The following WDR82 variants were observed in gnomAD, a reference collection of about 807,000 sequenced individuals.
WDR82 encodes WD repeat domain 82.
Under a neutral mutation model 36.1 loss-of-function variants are expected in WDR82, and 8 were observed. The observed-to-expected ratio is 0.22, with a 90% CI of 0.13 to 0.40. The LOEUF is 0.40. Ranked by LOEUF, WDR82 falls within the 10% of genes least tolerant of loss-of-function variation. The pLI is 1.00. For synonymous variants in WDR82, 129 were observed against 137.8 expected, an observed-to-expected ratio of 0.94 and a Z score of 0.45; for missense variants, 185 against 400.5, an observed-to-expected ratio of 0.46 and a Z score of 4.59.
chr3:52,257,322 G>A lies in WDR82; in HGVS notation c.*168C>T. The A allele has an allele frequency of 2.3e-6, 2 of 870,538 alleles. No individual in the cohort carries two copies. Among genetic ancestry groups the A allele is most frequent in the Non-Finnish European group, 3.5e-6 (2 of 566,092 alleles). 53.9% of individuals were successfully genotyped at this position (870,538 alleles called of 1,614,324 possible). ...AGTCCTTTTGAAGACGCTCATCAAA[G>A]TAATTATTTTCTTTTGAGCAGATGT... On this transcript the variant is annotated 3_prime_UTR_variant, in exon 9 of 9. Transcript: ENST00000296490.
At chr3:52,271,009 G>C (rs559348187) in intron 1 of WDR82, among the ~76,000 whole-genome samples, 200 bp from the exon 2 acceptor site, 1 of 152,214 alleles carries the variant, frequency 6.6e-6, no homozygotes, top group East Asian at 1.9e-4. Context: ...TTCCACCTTA[G>C]AACACCTAGT....
chr3:52,264,159 T>C (rs940267943), intron 3 of WDR82, among the ~76,000 whole-genome samples: 1 of 151,892 alleles, frequency 6.6e-6, no homozygotes, highest in Non-Finnish European at 1.5e-5. Context: ...TGAGCCTCCA[T>C]CTCAAAAAAC....
At chr3:52,264,052 AT>A (rs1046332399) in intron 3 of WDR82, among the ~76,000 whole-genome samples, 3 of 152,110 alleles carry the variant, frequency 2.0e-5, no homozygotes, top group African/African-American at 4.8e-5. Context: ...AATCCCAGCT[AT>A]TCGGGAGGCT....
intron 8 of WDR82, among the ~76,000 whole-genome samples, 198 bp downstream of exon 8, chr3:52,258,338 T>A (rs540580492): frequency 2.0e-5 from 3 of 152,162 alleles, no homozygotes; most frequent in Admixed American, 6.5e-5. Flanking sequence ...CTAGGAAGAA[T>A]AAAAATGAAA....
chr3:52,274,915 AAAAC>A (rs138592740), intron 1 of WDR82, among the ~76,000 whole-genome samples: 25,615 of 150,962 alleles, frequency 0.17, 3,167 homozygotes, highest in African/African-American at 0.35. Flanking sequence ...AAAACAAAAC[AAAAC>A]AAACAAACAA....
At position 52,257,053 on chromosome 3, in the gene WDR82, T is replaced by TGA; in HGVS notation, c.*435_*436dup. The TGA allele has an allele frequency of 5.7e-6, 1 of 175,912 alleles. No individual in the cohort carries two copies. The highest frequency in any genetic ancestry group is 1.2e-5 in the Non-Finnish European group (1 of 82,616). 10.9% of individuals were successfully genotyped at this position (175,912 alleles called of 1,614,324 possible). A position where few individuals can be genotyped will look rare whatever the true frequency, so the allele number is the denominator to read the frequency against. ...AGACCCAGTAACAAGACATGCAGGG[T>TGA]GAGGGCAAGCGGCTGAGCTGCCCAA... is the stretch of plus-strand genomic sequence containing the variant. On this transcript the variant is annotated 3_prime_UTR_variant, in exon 9 of 9. Transcript: ENST00000296490.
chr3:52,274,122 T>C (rs1397747685), intron 1 of WDR82, among the ~76,000 whole-genome samples: 1 of 152,246 alleles, frequency 6.6e-6, no homozygotes, highest in Non-Finnish European at 1.5e-5. Flanking sequence ...ATATCCTTTA[T>C]ACTCTTCCAA....
chr3:52,272,569 A>ATTTGAGAC, intron 1 of WDR82, among the ~76,000 whole-genome samples: 1 of 150,958 alleles, frequency 6.6e-6, no homozygotes, highest in African/African-American at 2.4e-5. Flanking sequence ...AAAAATAAAA[A>ATTTGAGAC]TTTGAGACTT....
At chr3:52,264,781 T>C (rs533508227) in intron 3 of WDR82, among the ~76,000 whole-genome samples, 4 of 152,162 alleles carry the variant, frequency 2.6e-5, no homozygotes, top group African/African-American at 9.6e-5. Flanking sequence ...GTGGAAGGGA[T>C]AGATGTTTAA....
chr3:52,275,207 G>A (rs1454899089), intron 1 of WDR82, among the ~76,000 whole-genome samples: 2 of 152,116 alleles, frequency 1.3e-5, no homozygotes, highest in African/African-American at 4.8e-5. Context: ...GGCAACAAGA[G>A]CGAAAGTCCC....
chr3:52,257,553 CA>C, intron 8 of WDR82, 34 bp from the exon 9 acceptor site: 1 of 1,614,040 alleles, frequency 6.2e-7, no homozygotes, highest in Non-Finnish European at 8.5e-7. Flanking sequence ...TTTAAAAAGC[CA>C]AGCATCTCCT....
Position 52,267,067 on chromosome 3 carries a change from ATTTAC to A in WDR82, c.260-54_260-50del, listed in dbSNP as rs769514738. ...GATGATATCATACTATTTAAAAGAAATTTACTTTACATTTTCATCTTAAAAAGACA... is the reference window on the plus strand; with the variant it reads ...GATGATATCATACTATTTAAAAGAAATTTACATTTTCATCTTAAAAAGACA... On this transcript the variant is annotated intron_variant, in intron 2 of 8. Coordinates refer to ENST00000296490, the MANE Select transcript of WDR82 (RefSeq NM_025222.4). 4.2e-6 allele frequency: 6 copies of A among 1,443,172 alleles called. No homozygotes were observed. The African/African-American group carries it at 8.5e-5, about 20-fold the overall frequency. 89.4% of individuals were successfully genotyped at this position (1,443,172 alleles called of 1,614,324 possible). A position where few individuals can be genotyped will look rare whatever the true frequency, so the allele number is the denominator to read the frequency against.
intron 3 of WDR82, among the ~76,000 whole-genome samples, chr3:52,263,755 T>C (rs1700081229): frequency 1.3e-5 from 2 of 152,122 alleles, no homozygotes; most frequent in African/African-American, 4.8e-5. Flanking sequence ...TGAATAAATA[T>C]GAGGAAGACA....
intron 1 of WDR82, among the ~76,000 whole-genome samples, chr3:52,276,516 G>A (rs1463967146): frequency 6.6e-6 from 1 of 152,012 alleles, no homozygotes; most frequent in African/African-American, 2.4e-5. Flanking sequence ...GCCAAATTTG[G>A]GGACAAACTG....
intron 7 of WDR82, 84 bp downstream of exon 7, chr3:52,259,106 AAATAGAT>A (rs1700037468): frequency 2.8e-5 from 36 of 1,304,870 alleles, no homozygotes; most frequent in Non-Finnish European, 3.8e-5. Context: ...AACATCTATC[AAATAGAT>A]AATAATGTCT....
chr3:52,272,543 C>CAAAA (rs538212712), intron 1 of WDR82, among the ~76,000 whole-genome samples: 75 of 100,284 alleles, frequency 7.5e-4, no homozygotes, highest in African/African-American at 2.0e-3. Flanking sequence ...GACTCCATCT[C>CAAAA]AAAAAAAAAA....
chr3:52,269,760 T>C (rs1025492113), intron 2 of WDR82, among the ~76,000 whole-genome samples: 1 of 151,598 alleles, frequency 6.6e-6, no homozygotes, highest in Admixed American at 6.6e-5. Flanking sequence ...CAAAAGAAAA[T>C]AAACAAAATT....
intron 1 of WDR82, 27 bp downstream of exon 1, chr3:52,278,174 C>G: frequency 2.6e-6 from 4 of 1,564,324 alleles, no homozygotes; most frequent in South Asian, 2.3e-5. Flanking sequence ...CACTGAGACT[C>G]GGGCCCAGGG....
intron 2 of WDR82, among the ~76,000 whole-genome samples, chr3:52,268,990 T>A (rs1353994320): frequency 7.9e-5 from 12 of 152,140 alleles, no homozygotes; most frequent in Admixed American, 7.9e-4. Context: ...AATTTTTGTA[T>A]TTTTTGTAGA....
Sources: allele counts gnomAD v4.1 joint callset (sites outside exome capture counted in the v4.1 genomes callset), GRCh38; gene constraint gnomAD v4.1.1; transcripts MANE v1.5; gene names NCBI Gene and HGNC (gene_info 2026-07-23, HGNC 2026-07-21).